Variants in LPIN1 observed in about 807,000 individuals in gnomAD.
The protein encoded by LPIN1 is phosphatidate phosphatase LPIN1.
Under a neutral mutation model 107.5 loss-of-function variants are expected in LPIN1, and 71 were observed. The observed-to-expected ratio is 0.66, with a 90% CI of 0.55 to 0.80. The LOEUF (loss-of-function observed/expected upper bound fraction) is 0.80, where lower values mean the gene tolerates loss of function less well. LPIN1 is among the 30% of genes least tolerant of loss of function. LPIN1 has a pLI of 0.00. For missense variants in LPIN1, 1,043 were observed against 1,160.6 expected (o/e 0.90, Z 1.47); for synonymous variants, 445 against 452.6 (o/e 0.98, Z 0.21).
intron 13 of LPIN1, among the ~76,000 whole-genome samples, chr2:11,794,837 C>G (rs897755494): frequency 1.3e-5 from 2 of 152,064 alleles, no homozygotes; most frequent in Non-Finnish European, 2.9e-5. Flanking sequence ...GATGAGGAAG[C>G]GAAGTTCTGA....
chr2:11,712,546 A>C (rs577480324), intron 1 of LPIN1, among the ~76,000 whole-genome samples: 1 of 152,228 alleles, frequency 6.6e-6, no homozygotes, highest in Non-Finnish European at 1.5e-5. Context: ...AGCGAAGTAC[A>C]TGACCCCTAG....
chr2:11,767,834 TG>T lies in LPIN1; in HGVS notation c.265del (p.Val89PhefsTer32). On this transcript the variant is annotated frameshift_variant, in exon 3 of 21. Transcript: ENST00000674199. LOFTEE classifies it high-confidence loss of function. ...TGGGAGATAATGGAGAAGCATTTTT[TG>T]TTCAAGAAACAGATAATGATCAGGT... ...KLGDNGEAFF[V>X]QETDNDQEVI... is the part of the protein sequence containing the mutation. 1 of 1,612,050 alleles carries T rather than the reference TG, an allele frequency of 6.2e-7. No individual in the cohort carries two copies. Among genetic ancestry groups the T allele is most frequent in the Non-Finnish European group, 8.5e-7 (1 of 1,178,032 alleles).
At chr2:11,781,863 G>A (rs1184154771) in intron 7 of LPIN1, among the ~76,000 whole-genome samples, 1 of 152,308 alleles carries the variant, frequency 6.6e-6, no homozygotes, top group Non-Finnish European at 1.5e-5. Flanking sequence ...CATGTTGTTG[G>A]TGTAGCTGTA....
intron 1 of LPIN1, among the ~76,000 whole-genome samples, chr2:11,764,923 G>A (rs1001695721): frequency 6.6e-6 from 1 of 152,224 alleles, no homozygotes; most frequent in Non-Finnish European, 1.5e-5. Flanking sequence ...AGGGCCTGGG[G>A]ACAACTGAGA....
At chr2:11,749,771 C>T (rs1240962750) in intron 1 of LPIN1, among the ~76,000 whole-genome samples, 2 of 152,196 alleles carry the variant, frequency 1.3e-5, no homozygotes, top group Non-Finnish European at 2.9e-5. Flanking sequence ...GACTGGGCTC[C>T]ATCAGGAGAG....
At chr2:11,714,971 G>A (rs1336582272) in intron 2 of LPIN1, among the ~76,000 whole-genome samples, 2 of 152,210 alleles carry the variant, frequency 1.3e-5, no homozygotes, top group Non-Finnish European at 2.9e-5. Context: ...AGGAAGGCCT[G>A]GCCTGGGCAC....
At chr2:11,708,291 G>C (rs377337324) in intron 1 of LPIN1, among the ~76,000 whole-genome samples, 23 of 152,278 alleles carry the variant, frequency 1.5e-4, no homozygotes, top group Middle Eastern at 6.8e-3. Context: ...TCAGCACAGA[G>C]GAGGGTGATT....
intron 1 of LPIN1, among the ~76,000 whole-genome samples, chr2:11,740,684 G>GAAAAAAAAAAAAAAAAAAAAGGAAAAA (rs56188204): frequency 1.2e-5 from 1 of 81,554 alleles, no homozygotes; most frequent in Non-Finnish European, 2.4e-5. Flanking sequence ...GCTCTATCTC[G>GAAAAAAAAAAAAAAAAAAAAGGAAAAA]AAAAAAAAAA....
intron 17 of LPIN1, among the ~76,000 whole-genome samples, chr2:11,811,081 G>A (rs1679563345): frequency 6.6e-6 from 1 of 152,152 alleles, no homozygotes; most frequent in African/African-American, 2.4e-5. Flanking sequence ...GGTCCCACCT[G>A]TCCTTCTGGG....
chr2:11,776,131 G>A lies in LPIN1; in HGVS notation c.768G>A (p.Ala256=), dbSNP rs541501213. The A allele has an allele frequency of 7.2e-5, 112 of 1,548,388 alleles. No homozygotes were observed. The African/African-American group carries it at 1.3e-3, about 18-fold the overall frequency. Residue 256 remains alanine (A), a synonymous_variant, in exon 6 of 21, where the codon GCG becomes GCA. Coordinates refer to ENST00000674199, the MANE Select transcript of LPIN1 (RefSeq NM_001349206.2). Reference sequence around the variant, plus strand: ...GGACTGCCCCTCATCTTGCAGTTGCGGCCGAGGGAGGTCTGTCTAGTTCTT... The same window carrying A: ...GGACTGCCCCTCATCTTGCAGTTGCAGCCGAGGGAGGTCTGTCTAGTTCTT... The part of the protein sequence containing the change: ...CKRTAPHLAV[A]AEGGLSSSCP...
At chr2:11,727,907 T>C (rs551404336) in intron 1 of LPIN1, among the ~76,000 whole-genome samples, 30 of 152,362 alleles carry the variant, frequency 2.0e-4, no homozygotes, top group African/African-American at 7.0e-4. Context: ...ATTCGTGAGA[T>C]GCAGAATCTG....
chr2:11,807,695 C>T (rs1678951280), intron 17 of LPIN1, among the ~76,000 whole-genome samples: 1 of 152,230 alleles, frequency 6.6e-6, no homozygotes, highest in African/African-American at 2.4e-5. Context: ...CATGATGTGA[C>T]GTGGAGACCC....
intron 20 of LPIN1, 100 bp downstream of exon 20, chr2:11,820,614 T>A: frequency 1.3e-6 from 1 of 779,556 alleles, no homozygotes; most frequent in Non-Finnish European, 2.3e-6. Flanking sequence ...TTGCTGCCTA[T>A]ATGTTAATCT....
chr2:11,751,271 G>A (rs1206180034), intron 1 of LPIN1, among the ~76,000 whole-genome samples: 1 of 137,062 alleles, frequency 7.3e-6, no homozygotes, highest in Non-Finnish European at 1.6e-5. Context: ...ACCCTGTCCT[G>A]TCTCAGTGGT....
intron 1 of LPIN1, among the ~76,000 whole-genome samples, chr2:11,705,096 A>C (rs1480138778): frequency 1.3e-5 from 2 of 152,128 alleles, no homozygotes; most frequent in East Asian, 3.8e-4. Flanking sequence ...CATCTTTTTC[A>C]CTGGGAAAAT....
Position 11,795,485 on chromosome 2 carries a change from C to G in LPIN1, c.1884C>G (p.Thr628=). 1 of 1,614,028 alleles carries G rather than the reference C, an allele frequency of 6.2e-7. No homozygotes were observed. Among genetic ancestry groups the G allele is most frequent in the Non-Finnish European group, 8.5e-7 (1 of 1,179,936 alleles). The change falls in exon 14 of 21, where the codon ACC becomes ACG. Residue 628 remains threonine (T), a splice_region_variant and synonymous_variant. Coordinates refer to ENST00000674199, the MANE Select transcript of LPIN1 (RefSeq NM_001349206.2). ...AACCGCCGCAGCTCAGCTTGGCCAC[C>G]AGGTGCGGTAGGAGGCTTCTTGGGA... is the stretch of plus-strand genomic sequence containing the variant. ...GEQPPQLSLA[T]RVKHESSSSD...
At chr2:11,740,472 G>T (rs1666226620) in intron 1 of LPIN1, among the ~76,000 whole-genome samples, 1 of 152,006 alleles carries the variant, frequency 6.6e-6, no homozygotes, top group African/African-American at 2.4e-5. Context: ...TTTGAGCTCA[G>T]GAGTTCCAGA....
chr2:11,705,356 T>C (rs66763856), intron 1 of LPIN1, among the ~76,000 whole-genome samples: 23,422 of 152,232 alleles, frequency 0.15, 1,997 homozygotes, highest in East Asian at 0.3. Flanking sequence ...GCCACTGCTG[T>C]GAACACAATG....
chr2:11,789,577 T>C (rs559440595), intron 12 of LPIN1, among the ~76,000 whole-genome samples: 2,308 of 152,062 alleles, frequency 0.015, 58 homozygotes, highest in African/African-American at 0.053. Context: ...TGTGTGTGCG[T>C]GTGTGTGTGT....
Sources: gnomAD v4.1 joint callset for allele counts (sites outside exome capture counted in the v4.1 genomes callset) on GRCh38, gnomAD v4.1.1 for gene constraint, MANE v1.5 for transcripts, NCBI Gene and HGNC (gene_info 2026-07-23, HGNC 2026-07-21) for gene names.